Variants in SFMBT2 observed in about 807,000 individuals in gnomAD.
The protein encoded by SFMBT2 is Scm like with four mbt domains 2, also known as scm-like with four MBT domains protein 2.
A neutral mutation model predicts 110.1 loss-of-function variants in SFMBT2; 38 were observed. The observed-to-expected ratio is 0.35, with a 90% CI of 0.27 to 0.45. The LOEUF is 0.45. Among genes scored for constraint, SFMBT2 ranks in the 20% least tolerant of loss-of-function variants. SFMBT2 has a pLI of 1.00. For missense variants in SFMBT2, 1,011 were observed against 1,094.9 expected (o/e 0.92, Z 1.08); for synonymous variants, 425 against 425.4 (o/e 1.00, Z 0.01).
chr10:7,361,220 A>C (rs1446919366), intron 4 of SFMBT2, among the ~76,000 whole-genome samples: 1 of 152,238 alleles, frequency 6.6e-6, no homozygotes, highest in Non-Finnish European at 1.5e-5. Flanking sequence ...CTCCAGTTAC[A>C]ATGTCAGATA....
At chr10:7,393,948 G>A (rs7919723) in intron 1 of SFMBT2, among the ~76,000 whole-genome samples, 10,184 of 152,154 alleles carry the variant, frequency 0.067, 1,087 homozygotes, top group African/African-American at 0.23. Context: ...ACTTTGGGTC[G>A]CTGATACACA....
chr10:7,206,133 T>C (rs1588337118), intron 11 of SFMBT2: 10 of 985,258 alleles, frequency 1.0e-5, no homozygotes, highest in Non-Finnish European at 1.2e-5. Context: ...CCTTGAAATA[T>C]AAAAAGGCAG....
chr10:7,375,264 GA>G (rs1002260256), intron 2 of SFMBT2, among the ~76,000 whole-genome samples: 50 of 152,230 alleles, frequency 3.3e-4, no homozygotes, highest in African/African-American at 1.2e-3. Flanking sequence ...ACGTGAGAGT[GA>G]AAAATGGAAT....
intron 1 of SFMBT2, among the ~76,000 whole-genome samples, chr10:7,394,421 A>T (rs906759339): frequency 1.3e-5 from 2 of 150,508 alleles, no homozygotes; most frequent in African/African-American, 4.9e-5. Flanking sequence ...CTGTTCTGGC[A>T]TTCCTCTCCA....
intron 17 of SFMBT2, among the ~76,000 whole-genome samples, chr10:7,173,427 A>C (rs1837951325): frequency 6.6e-6 from 1 of 152,166 alleles, no homozygotes; most frequent in Non-Finnish European, 1.5e-5. Flanking sequence ...CGACCAAGAT[A>C]AGCTATGATC....
intron 8 of SFMBT2, among the ~76,000 whole-genome samples, chr10:7,245,312 ATC>A (rs1172108500): frequency 6.6e-6 from 1 of 152,200 alleles, no homozygotes; most frequent in Non-Finnish European, 1.5e-5. Flanking sequence ...CTCAATAAAT[ATC>A]TGTTAAATTA....
intron 4 of SFMBT2, among the ~76,000 whole-genome samples, chr10:7,335,912 A>G (rs1387331739): frequency 6.6e-6 from 1 of 152,200 alleles, no homozygotes; most frequent in Non-Finnish European, 1.5e-5. Flanking sequence ...ACCATATGGC[A>G]TGATGTATAA....
At chr10:7,213,585 G>C (rs2762590) in intron 11 of SFMBT2, among the ~76,000 whole-genome samples, 14,314 of 152,252 alleles carry the variant, frequency 0.094, 739 homozygotes, top group South Asian at 0.15. Context: ...GAGAAGAGCA[G>C]AGACGGGTTC....
At chr10:7,197,996 C>T (rs1838833397) in intron 14 of SFMBT2, 3 of 985,198 alleles carry the variant, frequency 3.0e-6, no homozygotes, top group African/African-American at 1.7e-5. Context: ...AATAGCAGGA[C>T]ATTTTATATC....
At chr10:7,288,859 C>G (rs898063865) in intron 4 of SFMBT2, among the ~76,000 whole-genome samples, 1 of 149,736 alleles carries the variant, frequency 6.7e-6, no homozygotes, top group African/African-American at 2.5e-5. Flanking sequence ...TGAAACCCCC[C>G]CCCCCATCTC....
At chr10:7,369,579 T>C in intron 3 of SFMBT2, among the ~76,000 whole-genome samples, 1 of 152,224 alleles carries the variant, frequency 6.6e-6, no homozygotes, top group East Asian at 1.9e-4. Context: ...GATCCAAATG[T>C]TTTCATCATA....
chr10:7,372,025 C>G (rs756507466), intron 2 of SFMBT2, among the ~76,000 whole-genome samples: 27 of 140,170 alleles, frequency 1.9e-4, no homozygotes, highest in Non-Finnish European at 3.8e-4. Flanking sequence ...CCCCCAGGTT[C>G]AAGTGATTCT....
intron 8 of SFMBT2, among the ~76,000 whole-genome samples, chr10:7,245,455 G>A (rs1169383738): frequency 6.6e-6 from 1 of 152,180 alleles, no homozygotes; most frequent in African/African-American, 2.4e-5. Flanking sequence ...ATGTTCACGT[G>A]GGAACACTCC....
At chr10:7,385,110 A>G (rs1845554535) in intron 1 of SFMBT2, among the ~76,000 whole-genome samples, 1 of 152,218 alleles carries the variant, frequency 6.6e-6, no homozygotes, top group Admixed American at 6.5e-5. Context: ...GCACTCTGTA[A>G]ACAAACTACT....
At chr10:7,235,094 G>A (rs947931757) in intron 9 of SFMBT2, among the ~76,000 whole-genome samples, 6 of 152,180 alleles carry the variant, frequency 3.9e-5, no homozygotes, top group Admixed American at 1.3e-4. Context: ...TTCCAATTCC[G>A]TGGGACACAG....
Position 7,173,029 on chromosome 10 carries a change from A to C in SFMBT2, c.1985-368T>G, listed in dbSNP as rs534712019. Among the ~76,000 whole-genome samples, 3 of 152,360 alleles carry C rather than the reference A, an allele frequency of 2.0e-5. No homozygotes were observed. The East Asian group carries it at 5.8e-4, about 29-fold the overall frequency. Reference sequence around the variant, plus strand: ...ACCCAAGACCCAAAGGAGAGGCCCCATGAGGACACAGGGTGCAGGTGGCTG... The same window carrying C: ...ACCCAAGACCCAAAGGAGAGGCCCCCTGAGGACACAGGGTGCAGGTGGCTG... On this transcript the variant is annotated intron_variant, in intron 17 of 20. Coordinates refer to ENST00000397167, the MANE Select transcript of SFMBT2 (RefSeq NM_001387889.1).
intron 15 of SFMBT2, among the ~76,000 whole-genome samples, chr10:7,191,179 T>A (rs1838590024): frequency 6.6e-6 from 1 of 152,140 alleles, no homozygotes; most frequent in African/African-American, 2.4e-5. Flanking sequence ...CCCACCTCAT[T>A]TCTCAGCTCT....
chr10:7,251,013 T>C (rs1588385084), intron 7 of SFMBT2, among the ~76,000 whole-genome samples: 1 of 152,188 alleles, frequency 6.6e-6, no homozygotes, highest in South Asian at 2.1e-4. Flanking sequence ...GATTCAAAGT[T>C]AATTTGAATG....
chr10:7,354,703 G>C (rs1165860441), intron 4 of SFMBT2, among the ~76,000 whole-genome samples: 2 of 152,186 alleles, frequency 1.3e-5, no homozygotes, highest in African/African-American at 4.8e-5. Flanking sequence ...AGCTCACGTA[G>C]CACATGTTTA....
Sources: gnomAD v4.1 joint callset for allele counts (sites outside exome capture counted in the v4.1 genomes callset) on GRCh38, gnomAD v4.1.1 for gene constraint, MANE v1.5 for transcripts, NCBI Gene and HGNC (gene_info 2026-07-23, HGNC 2026-07-21) for gene names.